Variants in ATP1A2 observed in about 807,000 individuals in gnomAD.
ATP1A2 encodes sodium/potassium-transporting ATPase subunit alpha-2.
ATP1A2 carries 56 observed loss-of-function variants against 113.1 expected under a neutral mutation model. The observed-to-expected ratio is 0.49, with a 90% CI of 0.40 to 0.62. The LOEUF (loss-of-function observed/expected upper bound fraction) is 0.62. Ranked by LOEUF, ATP1A2 falls within the 20% of genes least tolerant of loss-of-function variation. The pLI is 0.00. For synonymous variants in ATP1A2, 490 were observed against 526.8 expected, an observed-to-expected ratio of 0.93 and a Z score of 0.96; for missense variants, 712 against 1,357.8, an observed-to-expected ratio of 0.52 and a Z score of 7.47.
rs1057521623 is a variant in ATP1A2 at position 160,127,829 on chromosome 1, G to A, written c.1017+9G>A. ...TTCTGGCCACTGTCACTGTGAGTGGGTCAGGCTGAGGTGCCACCAGGGGAG... is the reference window on the plus strand; with the variant it reads ...TTCTGGCCACTGTCACTGTGAGTGGATCAGGCTGAGGTGCCACCAGGGGAG... On this transcript the variant is annotated intron_variant, in intron 8 of 22. Coordinates refer to ENST00000361216, the MANE Select transcript of ATP1A2 (RefSeq NM_000702.4). 1.3e-6 allele frequency: 2 copies of A among 1,587,574 alleles called. No homozygotes were observed. Among genetic ancestry groups the A allele is most frequent in the South Asian group, 1.2e-5 (1 of 85,770 alleles).
intron 1 of ATP1A2, among the ~76,000 whole-genome samples, chr1:160,119,131 G>T (rs920469869): frequency 6.6e-5 from 10 of 151,720 alleles, no homozygotes; most frequent in Non-Finnish European, 7.4e-5. Flanking sequence ...GTGCATGTGT[G>T]GGGGCAGGAG....
rs1175914625 is a variant in ATP1A2 at position 160,141,739 on chromosome 1, C to A, written c.*417C>A. The stretch of plus-strand genomic sequence containing the variant: ...ATCACCCCAGCCTCACTCCATTTCC[C>A]ACTTCCACCCCCGTTAGCTTCCTGC... On this transcript the variant is annotated 3_prime_UTR_variant, in exon 23 of 23. Transcript: ENST00000361216. 1 of 258,636 alleles carries A rather than the reference C, an allele frequency of 3.9e-6. No individual in the cohort carries two copies. Among genetic ancestry groups the A allele is most frequent in the South Asian group, 5.3e-5 (1 of 18,932 alleles). 16.0% of individuals were successfully genotyped at this position (258,636 alleles called of 1,614,324 possible).
chr1:160,134,344 C>G, intron 13 of ATP1A2, 140 bp from the exon 14 acceptor site: 1 of 1,230,374 alleles, frequency 8.1e-7, no homozygotes, highest in Non-Finnish European at 1.2e-6. Flanking sequence ...CACAGACGCA[C>G]ACACACATGC....
Position 160,142,698 on chromosome 1 carries a change from A to C in ATP1A2, c.*1376A>C, listed in dbSNP as rs1470722651. 1 of 152,106 alleles carries C rather than the reference A, an allele frequency of 6.6e-6. No homozygotes were observed. Among genetic ancestry groups the C allele is most frequent in the Non-Finnish European group, 1.5e-5 (1 of 68,086 alleles). The allele number at this position is 152,106 out of a possible 1,614,324, so 9.4% of individuals were successfully genotyped here. ...CACACGCCTGTAATCTCAGCTACTC[A>C]GGAGGCTGAGGCAGGAGAATTGCTT... On this transcript the variant is annotated 3_prime_UTR_variant, in exon 23 of 23. Coordinates refer to ENST00000361216, the MANE Select transcript of ATP1A2 (RefSeq NM_000702.4).
Position 160,136,597 on chromosome 1 carries a change from T to C in ATP1A2, c.2591T>C (p.Phe864Ser). 1 of 1,614,200 alleles carries C rather than the reference T, an allele frequency of 6.2e-7. No homozygotes were observed. The highest frequency in any genetic ancestry group is 8.5e-7 in the Non-Finnish European group (1 of 1,180,038). ...ATGATCCAGGCACTGGGTGGCTTCT[T>C]CACCTACTTTGTGATCCTGGCAGAG... ...IGMIQALGGFFTYFVILAENG... is the reference protein window; with the variant it reads ...IGMIQALGGFSTYFVILAENG... Residue 864 changes from phenylalanine to serine, a missense_variant, in exon 19 of 23, where the codon TTC (phenylalanine) becomes TCC (serine). Transcript: ENST00000361216.
chr1:160,140,160 C>T, intron 22 of ATP1A2, 176 bp downstream of exon 22: 3 of 664,124 alleles, frequency 4.5e-6, no homozygotes, highest in Non-Finnish European at 8.0e-6. Context: ...GTTGTCTCTG[C>T]CCTCTTCCCA....
At chr1:160,134,090 T>C (rs1366542937) in intron 13 of ATP1A2, among the ~76,000 whole-genome samples, 6 of 77,428 alleles carry the variant, frequency 7.7e-5, no homozygotes, top group East Asian at 4.5e-4. Context: ...CACACACATC[T>C]CACACACACG....
rs1189036164 is a variant in ATP1A2, at chr1:160,135,950, TG to T, written c.2399del (p.Gly800AlafsTer3). 1 of 1,613,922 alleles carries T rather than the reference TG, an allele frequency of 6.2e-7. No individual in the cohort carries two copies. Among genetic ancestry groups the T allele is most frequent in the South Asian group, 1.1e-5 (1 of 91,048 alleles). ...LFIIANIPLP[L>X]GTVTILCIDL... The stretch of plus-strand genomic sequence containing the variant: ...ATCATTGCCAACATCCCCCTACCTC[TG>T]GGCACTGTGACCATCCTTTGCATTG... On this transcript the variant is annotated frameshift_variant, in exon 17 of 23. Transcript: ENST00000361216. LOFTEE classifies it high-confidence loss of function. This position sits in a 1 kb window ranked among gnomAD's most constrained non-coding sequence, Gnocchi z 6.3.
intron 20 of ATP1A2, 103 bp from the exon 21 acceptor site, chr1:160,139,537 G>A (rs752911217): frequency 4.8e-5 from 47 of 979,900 alleles, no homozygotes; most frequent in African/African-American, 3.7e-4. Context: ...CGACTATGTC[G>A]TTTAGAATTC....
Position 160,135,320 on chromosome 1 carries a change from T to C in ATP1A2, c.2115+25T>C. ...GGTGAGCACAGCCACGGGAGGCAGA[T>C]GACAGGCAGGGACCGGGGAGGCAGG... On this transcript the variant is annotated intron_variant, in intron 15 of 22. Coordinates refer to ENST00000361216, the MANE Select transcript of ATP1A2 (RefSeq NM_000702.4). The surrounding 1 kb of genome is among the most constrained non-coding windows in gnomAD (Gnocchi z 6.3). 1 of 1,614,046 alleles carries C rather than the reference T, an allele frequency of 6.2e-7. No individual in the cohort carries two copies. The highest frequency in any genetic ancestry group is 8.5e-7 in the Non-Finnish European group (1 of 1,179,996).
At chr1:160,119,255 G>GAAAAAAAAAAAA (rs1558001685) in intron 1 of ATP1A2, among the ~76,000 whole-genome samples, 1 of 2,644 alleles carries the variant, frequency 3.8e-4, no homozygotes, top group African/African-American at 2.1e-3. Flanking sequence ...GCATTATCCT[G>GAAAAAAAAAAAA]CAAAAAAAAA....
At chr1:160,133,345 G>C (rs1651825928) in intron 13 of ATP1A2, among the ~76,000 whole-genome samples, 1 of 152,100 alleles carries the variant, frequency 6.6e-6, no homozygotes, top group Admixed American at 6.5e-5. Context: ...GAAGTGGTGG[G>C]AGTGGAAGAT....
At position 160,127,706 on chromosome 1, in the gene ATP1A2, G is replaced by A; in HGVS notation, c.903G>A (p.Gly301=). ...QLITGVAVFL[G]VSFFVLSLIL... is the part of the protein sequence containing the mutation. ...TCACAGGGGTCGCTGTATTCCTGGG[G>A]GTCTCCTTCTTCGTGCTCTCCCTCA... The change falls in exon 8 of 23, where the codon GGG becomes GGA. Residue 301 remains glycine (G), a synonymous_variant. Coordinates refer to ENST00000361216, the MANE Select transcript of ATP1A2 (RefSeq NM_000702.4). The A allele has an allele frequency of 6.2e-7, 1 of 1,614,218 alleles. No individual in the cohort carries two copies. The highest frequency in any genetic ancestry group is 8.5e-7 in the Non-Finnish European group (1 of 1,180,030).
chr1:160,123,207 C>T lies in ATP1A2; in HGVS notation c.178-6C>T, dbSNP rs752942405. On this transcript the variant is annotated splice_region_variant and splice_polypyrimidine_tract_variant and intron_variant, in intron 3 of 22. Transcript: ENST00000361216. ...CGTGCCCCTACGCCTCTCCTTGCTC[C>T]CTCAGGGCCTCACCAACCAGCGGGC... is the stretch of plus-strand genomic sequence containing the variant. 2 of 1,614,150 alleles carry T rather than the reference C, an allele frequency of 1.2e-6. No individual in the cohort carries two copies. Among genetic ancestry groups the T allele is most frequent in the South Asian group, 2.2e-5 (2 of 91,082 alleles).
intron 12 of ATP1A2, 51 bp downstream of exon 12, chr1:160,130,342 G>A (rs1651733434): frequency 6.2e-7 from 1 of 1,613,960 alleles, no homozygotes; most frequent in South Asian, 1.1e-5. Context: ...AGCCTCTGCG[G>A]CATCCCTGGG....
Position 160,136,254 on chromosome 1 carries a change from C to A in ATP1A2, c.2447C>A (p.Ala816Asp). The change falls in exon 18 of 23, where the codon GCC becomes GAC. Residue 816 changes from alanine (A) to aspartate (D), a missense_variant. By Grantham distance (126) the Ala-to-Asp change is moderately radical (BLOSUM62 -2). Coordinates refer to ENST00000361216, the MANE Select transcript of ATP1A2 (RefSeq NM_000702.4). ...CIDLGTDMVP[A>D]ISLAYEAAES... is the part of the protein sequence containing the mutation. ...ATTTCCTACCCCACACAGGTCCCTG[C>A]CATCTCCTTGGCCTATGAGGCAGCT... 6.2e-7 allele frequency: 1 copy of A among 1,614,202 alleles called. No individual in the cohort carries two copies. The highest frequency in any genetic ancestry group is 8.5e-7 in the Non-Finnish European group (1 of 1,180,038).
intron 1 of ATP1A2, among the ~76,000 whole-genome samples, chr1:160,120,243 G>T (rs1009805392): frequency 1.3e-5 from 2 of 152,028 alleles, no homozygotes; most frequent in Non-Finnish European, 2.9e-5. Context: ...GATGGAGAGG[G>T]CTCCCAGCAC....
intron 1 of ATP1A2, among the ~76,000 whole-genome samples, chr1:160,116,988 C>T (rs913820236): frequency 7.9e-5 from 12 of 152,042 alleles, no homozygotes; most frequent in African/African-American, 2.7e-4. Flanking sequence ...TCCTTGACCA[C>T]GTGTTCTCCA....
chr1:160,116,004 AAC>A, intron 1 of ATP1A2, 131 bp downstream of exon 1: 3 of 1,416,324 alleles, frequency 2.1e-6, no homozygotes, highest in South Asian at 2.5e-5. Context: ...ACTTGAAACT[AAC>A]AGTCTCCAAA....
Sources: allele counts gnomAD v4.1 joint callset (sites outside exome capture counted in the v4.1 genomes callset), GRCh38; gene constraint gnomAD v4.1.1; non-coding constraint Gnocchi (gnomAD v3.1); transcripts MANE v1.5; gene names NCBI Gene and HGNC (gene_info 2026-07-23, HGNC 2026-07-21).